Variants in SIK3 observed in about 807,000 individuals in gnomAD.
SIK3 encodes serine/threonine-protein kinase SIK3.
Under a neutral mutation model 144.2 loss-of-function variants are expected in SIK3, and 28 were observed. The observed-to-expected ratio is 0.19, with a 90% CI of 0.14 to 0.27. The LOEUF is 0.27. Ranked by LOEUF, SIK3 falls within the 10% of genes least tolerant of loss-of-function variation. The pLI is 1.00. For missense variants in SIK3, 1,319 were observed against 1,776.0 expected (o/e 0.74, Z 4.62); for synonymous variants, 686 against 676.3 (o/e 1.01, Z -0.22).
At chr11:116,934,668 T>A (rs926311828) in intron 3 of SIK3, among the ~76,000 whole-genome samples, 6 of 152,240 alleles carry the variant, frequency 3.9e-5, no homozygotes, top group Non-Finnish European at 8.8e-5. Context: ...CTGCCTATGA[T>A]GGATACTTAA....
At chr11:117,066,110 C>G (rs1954003922) in intron 1 of SIK3, among the ~76,000 whole-genome samples, 1 of 146,544 alleles carries the variant, frequency 6.8e-6, no homozygotes, top group African/African-American at 2.5e-5. Flanking sequence ...TGCTCTGTCA[C>G]CCAGGCTGGA....
intron 1 of SIK3, among the ~76,000 whole-genome samples, chr11:117,051,526 TTTCC>T (rs1343164524): frequency 6.6e-6 from 1 of 151,984 alleles, no homozygotes; most frequent in East Asian, 1.9e-4. Flanking sequence ...TTGGGGTTTT[TTTCC>T]TTGTTTTTTG....
chr11:116,908,808 C>T (rs1265131742), intron 4 of SIK3, among the ~76,000 whole-genome samples: 1 of 152,202 alleles, frequency 6.6e-6, no homozygotes, highest in Non-Finnish European at 1.5e-5. Flanking sequence ...GGAACTCTCA[C>T]ACCTACTGGA....
intron 1 of SIK3, among the ~76,000 whole-genome samples, chr11:116,963,411 C>G (rs1242978435): frequency 1.3e-5 from 2 of 152,092 alleles, no homozygotes; most frequent in Admixed American, 6.6e-5. Flanking sequence ...AATTAAAAAT[C>G]AGAAATTAAG....
intron 14 of SIK3, chr11:116,869,474 C>G (rs1943838725): frequency 6.6e-6 from 1 of 152,240 alleles, no homozygotes. Context: ...AAAGAGTAAG[C>G]CATTAATGTT....
intron 1 of SIK3, among the ~76,000 whole-genome samples, chr11:117,076,144 C>G (rs1466561038): frequency 6.6e-6 from 1 of 151,970 alleles, no homozygotes; most frequent in African/African-American, 2.4e-5. Flanking sequence ...CCACTGCACC[C>G]GGCCAGTTAC....
At chr11:116,854,920 G>A (rs528989849) in intron 21 of SIK3, among the ~76,000 whole-genome samples, 15 of 151,512 alleles carry the variant, frequency 9.9e-5, no homozygotes, top group Admixed American at 6.6e-4. Context: ...GTGAAACCCC[G>A]TCTCTACAAA....
chr11:117,070,254 TAAC>T (rs1164464859), intron 1 of SIK3, among the ~76,000 whole-genome samples: 3 of 152,132 alleles, frequency 2.0e-5, no homozygotes, highest in African/African-American at 7.2e-5. Flanking sequence ...CAGAAGCAGA[TAAC>T]AAATATTAGG....
At chr11:117,090,039 T>G (rs1955175540) in intron 1 of SIK3, among the ~76,000 whole-genome samples, 1 of 152,268 alleles carries the variant, frequency 6.6e-6, no homozygotes, top group South Asian at 2.1e-4. Flanking sequence ...TCCGCAATTC[T>G]ATTCTGAACA....
chr11:116,987,237 A>C (rs941119989), intron 1 of SIK3, among the ~76,000 whole-genome samples: 1 of 152,110 alleles, frequency 6.6e-6, no homozygotes, highest in African/African-American at 2.4e-5. Flanking sequence ...AATTAGGGTT[A>C]AAACTTGCCA....
chr11:116,857,676 C>A, intron 21 of SIK3, 134 bp downstream of exon 21: 2 of 1,423,850 alleles, frequency 1.4e-6, no homozygotes, highest in Non-Finnish European at 1.8e-6. Flanking sequence ...CATGCTTCTC[C>A]CCAAGAAGGT....
intron 1 of SIK3, among the ~76,000 whole-genome samples, chr11:116,990,433 G>A (rs931815842): frequency 1.3e-5 from 2 of 152,086 alleles, no homozygotes; most frequent in African/African-American, 4.8e-5. Context: ...CCAAAACTGG[G>A]TATAACCTAC....
intron 6 of SIK3, among the ~76,000 whole-genome samples, chr11:116,886,723 T>C (rs901125080): frequency 1.3e-5 from 2 of 149,928 alleles, no homozygotes; most frequent in African/African-American, 4.8e-5. Flanking sequence ...AACAGGGGAA[T>C]AGGGTAAACT....
intron 15 of SIK3, among the ~76,000 whole-genome samples, chr11:116,866,352 G>A (rs942791903): frequency 2.0e-4 from 30 of 151,390 alleles, no homozygotes; most frequent in African/African-American, 6.8e-4. Context: ...GGGTGTATTA[G>A]ATACCAGTGT....
At chr11:116,928,135 A>C (rs1947385307) in intron 3 of SIK3, among the ~76,000 whole-genome samples, 1 of 152,266 alleles carries the variant, frequency 6.6e-6, no homozygotes, top group Admixed American at 6.5e-5. Context: ...TACATGTGAT[A>C]AAATCATAAT....
At chr11:116,917,185 G>C (rs780776899) in intron 4 of SIK3, among the ~76,000 whole-genome samples, 8 of 151,998 alleles carry the variant, frequency 5.3e-5, no homozygotes, top group Admixed American at 1.3e-4. Flanking sequence ...CACTCTGGGT[G>C]ATTCGTTAGT....
chr11:116,959,847 T>G (rs542475030), intron 1 of SIK3, among the ~76,000 whole-genome samples: 1 of 152,192 alleles, frequency 6.6e-6, no homozygotes, highest in African/African-American at 2.4e-5. Flanking sequence ...TCAAGAAATA[T>G]CTGTACTAGC....
chr11:116,850,622 A>C (rs1205324529), intron 21 of SIK3, among the ~76,000 whole-genome samples: 1 of 152,226 alleles, frequency 6.6e-6, no homozygotes, highest in Non-Finnish European at 1.5e-5. Context: ...TTAGACTATA[A>C]ATTCTTTGCA....
chr11:117,065,346 G>C (rs924979102), intron 1 of SIK3, among the ~76,000 whole-genome samples: 3 of 151,804 alleles, frequency 2.0e-5, no homozygotes, highest in East Asian at 3.9e-4. Context: ...ATTTTAAACA[G>C]TAAAATTAAA....
Sources: gnomAD v4.1 joint callset for allele counts (sites outside exome capture counted in the v4.1 genomes callset) on GRCh38, gnomAD v4.1.1 for gene constraint, MANE v1.5 for transcripts, NCBI Gene and HGNC (gene_info 2026-07-23, HGNC 2026-07-21) for gene names.